The following SHOC2 variants were observed in gnomAD, a reference collection of about 807,000 sequenced individuals.
SHOC2 encodes the protein SHOC2 leucine rich repeat scaffold protein, also known as leucine-rich repeat protein SHOC-2.
In SHOC2, 4 loss-of-function variants were observed where a neutral mutation model predicts 50.2. The ratio of observed to expected loss-of-function variants is 0.08; its 90% CI spans 0.04 to 0.18. SHOC2 has a LOEUF of 0.18. Among genes scored for constraint, SHOC2 ranks in the 10% least tolerant of loss-of-function variants. The probability of loss-of-function intolerance (pLI) is 1.00; values close to 1 mark genes in which losing one functional copy is unlikely to be tolerated. For synonymous variants in SHOC2, 218 were observed against 244.5 expected (o/e 0.89, Z 1.01); for missense variants, 388 against 669.6 (o/e 0.58, Z 4.64).
intron 1 of SHOC2, among the ~76,000 whole-genome samples, chr10:110,952,056 A>G (rs1043347588): frequency 6.6e-6 from 1 of 152,190 alleles, no homozygotes; most frequent in East Asian, 1.9e-4. Context: ...ATTGTTACAG[A>G]CAATGAAACT....
intron 1 of SHOC2, among the ~76,000 whole-genome samples, chr10:110,924,154 A>G (rs1846709676): frequency 6.6e-6 from 1 of 152,152 alleles, no homozygotes; most frequent in South Asian, 2.1e-4. Flanking sequence ...TTTCACATTC[A>G]CCAATGTCAT....
At chr10:110,976,180 G>A (rs1847875534) in intron 2 of SHOC2, among the ~76,000 whole-genome samples, 1 of 152,102 alleles carries the variant, frequency 6.6e-6, no homozygotes, top group African/African-American at 2.4e-5. Flanking sequence ...AAAGTGTTGG[G>A]ATTACAGGCG....
chr10:110,956,302 C>T (rs1332029806), intron 1 of SHOC2, among the ~76,000 whole-genome samples: 3 of 152,266 alleles, frequency 2.0e-5, no homozygotes, highest in Non-Finnish European at 4.4e-5. Context: ...CAACCTCCGC[C>T]TCCCGGGTTC....
At chr10:110,976,504 T>C (rs1183510948) in intron 2 of SHOC2, among the ~76,000 whole-genome samples, 2 of 151,886 alleles carry the variant, frequency 1.3e-5, no homozygotes, top group Admixed American at 6.6e-5. Context: ...AGAGGCAGGG[T>C]CTTACCATAT....
At chr10:110,990,539 C>A (rs1848164067) in intron 3 of SHOC2, among the ~76,000 whole-genome samples, 1 of 152,042 alleles carries the variant, frequency 6.6e-6, no homozygotes, top group Admixed American at 6.5e-5. Flanking sequence ...CGTGGAGAAC[C>A]TTTGTATCTA....
At chr10:110,966,524 G>A (rs1443567929) in intron 2 of SHOC2, among the ~76,000 whole-genome samples, 1 of 152,046 alleles carries the variant, frequency 6.6e-6, no homozygotes, top group Non-Finnish European at 1.5e-5. Context: ...GTTGTTTTGT[G>A]TATGTGTTAC....
intron 4 of SHOC2, among the ~76,000 whole-genome samples, chr10:111,001,338 G>C (rs1848370583): frequency 6.6e-6 from 1 of 151,884 alleles, no homozygotes; most frequent in Non-Finnish European, 1.5e-5. Context: ...ATTTTTAGTA[G>C]AGATGGGGGT....
At chr10:110,987,793 G>A (rs115848737) in intron 3 of SHOC2, among the ~76,000 whole-genome samples, 1,596 of 151,998 alleles carry the variant, frequency 0.011, 24 homozygotes, top group African/African-American at 0.037. Flanking sequence ...ATACAAAAAG[G>A]GAACAAAGAA....
chr10:110,919,478 C>T (rs1329579981), upstream of SHOC2: 2 of 391,878 alleles, frequency 5.1e-6, no homozygotes, highest in African/African-American at 4.2e-5. Flanking sequence ...AGTGACGGGC[C>T]CACGGCAGAG....
intron 1 of SHOC2, among the ~76,000 whole-genome samples, chr10:110,950,406 T>C (rs1847328698): frequency 6.6e-6 from 1 of 152,150 alleles, no homozygotes; most frequent in South Asian, 2.1e-4. Flanking sequence ...TATCCTGTTT[T>C]TGAATTTGAA....
intron 1 of SHOC2, among the ~76,000 whole-genome samples, chr10:110,942,415 G>A (rs955382594): frequency 1.3e-5 from 2 of 152,042 alleles, no homozygotes; most frequent in African/African-American, 2.4e-5. Context: ...TGGCTCAGTC[G>A]TAGCTCACTA....
chr10:111,010,412 G>A (rs886955223), intron 8 of SHOC2, among the ~76,000 whole-genome samples: 3 of 152,038 alleles, frequency 2.0e-5, no homozygotes, highest in African/African-American at 4.8e-5. Context: ...CCCATCTATA[G>A]TGCACTGTCC....
Position 110,956,243 on chromosome 10 carries a change from A to G in SHOC2, c.-234-7882A>G, listed in dbSNP as rs907479542. ...CTCTTGTCACCCAGGCTGGAGTGCA[A>G]TGGCGCTCACTGCACTCTGCCTGGA... On this transcript the variant is annotated intron_variant, in intron 1 of 8. Transcript: ENST00000369452. Among the ~76,000 whole-genome samples, 7 of 151,918 alleles carry G rather than the reference A, an allele frequency of 4.6e-5. No individual in the cohort carries two copies. The South Asian group carries it at 1.2e-3, about 27-fold the overall frequency.
At chr10:110,991,138 A>G (rs923433210) in intron 3 of SHOC2, among the ~76,000 whole-genome samples, 6 of 152,124 alleles carry the variant, frequency 3.9e-5, no homozygotes, top group African/African-American at 1.4e-4. Context: ...ATTTTTATAT[A>G]TGTGTCTGTA....
At chr10:110,935,777 G>A (rs1279787743) in intron 1 of SHOC2, among the ~76,000 whole-genome samples, 1 of 152,094 alleles carries the variant, frequency 6.6e-6, no homozygotes, top group Non-Finnish European at 1.5e-5. Flanking sequence ...ATGTAAAGCA[G>A]TACAGTATAA....
In SHOC2 at chr10:110,989,264, T is replaced by C. The variant is rs1420526913; in HGVS notation, c.841+3499T>C. Among the ~76,000 whole-genome samples the C allele has an allele frequency of 2.0e-5, 3 of 152,226 alleles. 1 individual carries two copies. Among genetic ancestry groups the C allele is most frequent in the Non-Finnish European group, 4.4e-5 (3 of 68,030 alleles). On this transcript the variant is annotated intron_variant, in intron 3 of 8. Transcript: ENST00000369452. ...TCTGCCGTTTCTGGAGGAGTCTCTT[T>C]TTCTTCTTATTTTTGTTAACTGCAT...
chr10:110,932,337 C>T (rs1846912010), intron 1 of SHOC2, among the ~76,000 whole-genome samples: 1 of 152,022 alleles, frequency 6.6e-6, no homozygotes, highest in African/African-American at 2.4e-5. Flanking sequence ...GGACATTAAC[C>T]TGATTAGATT....
intron 8 of SHOC2, 42 bp downstream of exon 8, chr10:111,009,872 C>G (rs1590839606): frequency 9.6e-7 from 1 of 1,043,952 alleles, no homozygotes. Context: ...TAATAATTTG[C>G]TCTTGTGCAT....
intron 2 of SHOC2, among the ~76,000 whole-genome samples, chr10:110,976,770 A>G (rs532941361): frequency 6.6e-5 from 10 of 152,210 alleles, no homozygotes; most frequent in African/African-American, 2.4e-4. Flanking sequence ...GGAGTTTATA[A>G]GCCTCTTGGA....
Sources: gnomAD v4.1 joint callset for allele counts (sites outside exome capture counted in the v4.1 genomes callset) on GRCh38, gnomAD v4.1.1 for gene constraint, MANE v1.5 for transcripts, NCBI Gene and HGNC (gene_info 2026-07-23, HGNC 2026-07-21) for gene names.